KDM2A: variants seen among roughly 807,000 people sequenced by gnomAD.
The protein encoded by KDM2A is lysine demethylase 2A.
Under a neutral mutation model 137.3 loss-of-function variants are expected in KDM2A, and 3 were observed. The ratio of observed to expected loss-of-function variants is 0.02; its 90% CI spans 0.01 to 0.06. KDM2A has a LOEUF of 0.06. Ranked by LOEUF, KDM2A falls within the 10% of genes least tolerant of loss-of-function variation. The probability of loss-of-function intolerance (pLI) is 1.00; values close to 1 mark genes in which losing one functional copy is unlikely to be tolerated. For synonymous variants in KDM2A, 512 were observed against 541.5 expected (o/e 0.95, Z 0.76); for missense variants, 738 against 1,510.6 (o/e 0.49, Z 8.48).
chr11:67,244,370 G>A (rs1367827026), intron 13 of KDM2A, among the ~76,000 whole-genome samples: 1 of 152,170 alleles, frequency 6.6e-6, no homozygotes, highest in African/African-American at 2.4e-5. Flanking sequence ...CTTGAATTTG[G>A]AGTACTAAAG....
At chr11:67,139,704 AT>A (rs1022843607) in intron 2 of KDM2A, among the ~76,000 whole-genome samples, 9 of 143,108 alleles carry the variant, frequency 6.3e-5, no homozygotes, top group South Asian at 2.2e-4. Flanking sequence ...TGCTGCTGCT[AT>A]TTTTTTTTTT....
chr11:67,129,531 G>A (rs1296726251), intron 2 of KDM2A, among the ~76,000 whole-genome samples: 1 of 151,754 alleles, frequency 6.6e-6, no homozygotes, highest in Non-Finnish European at 1.5e-5. Flanking sequence ...TCAGGAGATC[G>A]AGACCATCCT....
chr11:67,255,377 A>G lies in KDM2A; in HGVS notation c.*322A>G, dbSNP rs1485671013. The G allele has an allele frequency of 4.3e-6, 2 of 465,814 alleles. No homozygotes were observed. The highest frequency in any genetic ancestry group is 5.1e-5 in the Admixed American group (2 of 38,976). 28.9% of individuals were successfully genotyped at this position (465,814 alleles called of 1,614,324 possible). ...AGTTTGGGGTGTTTGTGCAACCTTC[A>G]TCTGCACTGGGCCCTGTGCCCCTCC... On this transcript the variant is annotated 3_prime_UTR_variant, in exon 21 of 21. Transcript: ENST00000529006.
chr11:67,183,537 T>G (rs1857134689), intron 5 of KDM2A, among the ~76,000 whole-genome samples: 1 of 152,332 alleles, frequency 6.6e-6, no homozygotes, highest in South Asian at 2.1e-4. Context: ...ACAACTATTT[T>G]GGAGTTCAGG....
intron 2 of KDM2A, among the ~76,000 whole-genome samples, chr11:67,165,678 G>C (rs1442166842): frequency 1.3e-5 from 2 of 152,122 alleles, no homozygotes; most frequent in African/African-American, 2.4e-5. Context: ...TCAAGTGACT[G>C]CTTGCTATCT....
intron 2 of KDM2A, among the ~76,000 whole-genome samples, chr11:67,153,588 A>T (rs936061989): frequency 6.6e-6 from 1 of 152,178 alleles, no homozygotes; most frequent in Non-Finnish European, 1.5e-5. Flanking sequence ...TCTCATGTTC[A>T]TAATCCCAGC....
intron 6 of KDM2A, among the ~76,000 whole-genome samples, chr11:67,208,021 A>G (rs1419630556): frequency 6.6e-6 from 1 of 152,032 alleles, no homozygotes; most frequent in African/African-American, 2.4e-5. Context: ...ACAGAACAAG[A>G]CCCTGTCTCA....
chr11:67,163,557 A>G (rs1376540704), intron 2 of KDM2A, among the ~76,000 whole-genome samples: 2 of 152,148 alleles, frequency 1.3e-5, no homozygotes, highest in African/African-American at 2.4e-5. Flanking sequence ...ATCATGTTCA[A>G]AATCACAATT....
intron 2 of KDM2A, among the ~76,000 whole-genome samples, chr11:67,156,667 C>T (rs539231008): frequency 3.3e-5 from 5 of 149,662 alleles, no homozygotes; most frequent in Admixed American, 6.7e-5. Context: ...TGCAGTGAGC[C>T]GAGATGGCGC....
chr11:67,173,294 G>A (rs559403907), intron 2 of KDM2A, among the ~76,000 whole-genome samples: 3 of 152,292 alleles, frequency 2.0e-5, no homozygotes, highest in Admixed American at 6.5e-5. Flanking sequence ...GGCTAATTTC[G>A]TATTTTTAGT....
At chr11:67,244,505 C>T (rs1298361813) in intron 13 of KDM2A, among the ~76,000 whole-genome samples, 1 of 151,684 alleles carries the variant, frequency 6.6e-6, no homozygotes, top group Admixed American at 6.7e-5. Context: ...GCACTTGATA[C>T]AGAAAGCTCA....
chr11:67,161,282 CTGTGACT>C (rs1856632233), intron 2 of KDM2A, among the ~76,000 whole-genome samples: 4 of 152,088 alleles, frequency 2.6e-5, no homozygotes, highest in African/African-American at 9.7e-5. Context: ...TCATGGTAAA[CTGTGACT>C]TTTTCAATCT....
At chr11:67,180,617 G>T (rs1047749171) in intron 3 of KDM2A, among the ~76,000 whole-genome samples, 3 of 152,048 alleles carry the variant, frequency 2.0e-5, no homozygotes, top group African/African-American at 7.2e-5. Context: ...TGACAAGGAT[G>T]TCATATATGT....
intron 2 of KDM2A, among the ~76,000 whole-genome samples, chr11:67,136,503 T>G (rs1416398904): frequency 6.6e-6 from 1 of 152,196 alleles, no homozygotes; most frequent in Non-Finnish European, 1.5e-5. Context: ...AGCATTTTAT[T>G]TGGGTCTTCT....
chr11:67,158,638 T>C (rs1480787662), intron 2 of KDM2A, among the ~76,000 whole-genome samples: 1 of 152,228 alleles, frequency 6.6e-6, no homozygotes, highest in Non-Finnish European at 1.5e-5. Flanking sequence ...TCCCTAATGA[T>C]GTACAATGTT....
intron 2 of KDM2A, among the ~76,000 whole-genome samples, chr11:67,167,161 A>C (rs1856766066): frequency 6.6e-6 from 1 of 152,182 alleles, no homozygotes; most frequent in African/African-American, 2.4e-5. Context: ...TTCTAGTAAA[A>C]CCTTTGGAAA....
intron 2 of KDM2A, among the ~76,000 whole-genome samples, chr11:67,129,770 G>A (rs1855810643): frequency 6.7e-6 from 1 of 150,322 alleles, no homozygotes; most frequent in Admixed American, 6.6e-5. Flanking sequence ...AAATAGCCGG[G>A]CATAGTGGCA....
intron 2 of KDM2A, among the ~76,000 whole-genome samples, chr11:67,128,406 G>T (rs1855780142): frequency 6.6e-6 from 1 of 151,588 alleles, no homozygotes; most frequent in African/African-American, 2.4e-5. Context: ...TAGTATGAAA[G>T]TATAATGTTA....
At chr11:67,198,452 A>G (rs1043004045) in intron 5 of KDM2A, among the ~76,000 whole-genome samples, 3 of 152,014 alleles carry the variant, frequency 2.0e-5, no homozygotes, top group South Asian at 4.1e-4. Flanking sequence ...GCCGGGCGCA[A>G]TGGCTCATGC....
Sources: allele counts gnomAD v4.1 joint callset (sites outside exome capture counted in the v4.1 genomes callset), GRCh38; gene constraint gnomAD v4.1.1; transcripts MANE v1.5; gene names NCBI Gene and HGNC (gene_info 2026-07-23, HGNC 2026-07-21).